The following MRPL18 variants were observed in gnomAD, a reference collection of about 807,000 sequenced individuals.
MRPL18 encodes the protein mitochondrial ribosomal protein L18.
A neutral mutation model predicts 20.9 loss-of-function variants in MRPL18; 16 were observed. That is an observed-to-expected ratio of 0.76 (90% CI 0.52 to 1.16). The LOEUF (loss-of-function observed/expected upper bound fraction) is 1.16. MRPL18 is among the 50% of genes most tolerant of loss of function. MRPL18 has a pLI of 0.00. For missense variants in MRPL18, 233 were observed against 230.6 expected, an observed-to-expected ratio of 1.01 and a Z score of -0.07; for synonymous variants, 91 against 87.1, an observed-to-expected ratio of 1.04 and a Z score of -0.25.
At chr6:159,797,031 T>A (rs1781045971) in intron 2 of MRPL18, among the ~76,000 whole-genome samples, 1 of 152,176 alleles carries the variant, frequency 6.6e-6, no homozygotes, top group Admixed American at 6.5e-5. Context: ...TTGAAGTAGA[T>A]CTGTAAATAA....
upstream of MRPL18, chr6:159,790,357 T>TA: frequency 1.6e-6 from 1 of 628,210 alleles, no homozygotes; most frequent in Non-Finnish European, 2.8e-6. Context: ...CTCCAGGGCC[T>TA]GCGTGCCCCT....
At chr6:159,797,699 ACT>A (rs563244695) in intron 3 of MRPL18, among the ~76,000 whole-genome samples, 181 bp downstream of exon 3, 10 of 152,190 alleles carry the variant, frequency 6.6e-5, no homozygotes, top group Non-Finnish European at 1.5e-4. Context: ...AGGGACTAGT[ACT>A]CTCATTCTAT....
upstream of MRPL18, chr6:159,790,450 C>T: frequency 1.9e-6 from 2 of 1,055,348 alleles, no homozygotes; most frequent in Non-Finnish European, 2.8e-6. Flanking sequence ...ACTTCCGGGT[C>T]GGTGGCGTCT....
chr6:159,794,484 A>G (rs1780983717), intron 2 of MRPL18, among the ~76,000 whole-genome samples: 1 of 152,230 alleles, frequency 6.6e-6, no homozygotes, highest in Non-Finnish European at 1.5e-5. Context: ...GTGCTCAGTA[A>G]ATGTTAACTA....
chr6:159,797,924 CCG>C (rs372327055), intron 3 of MRPL18, 126 bp from the exon 4 acceptor site: 157 of 732,674 alleles, frequency 2.1e-4, no homozygotes, highest in Middle Eastern at 2.5e-4. Flanking sequence ...TTCTGAAAAA[CCG>C]TTGTAGGCTG....
At position 159,797,516 on chromosome 6, in the gene MRPL18, T is replaced by C; in HGVS notation, c.469T>C (p.Ser157Pro). ...QPTPWEAASD[S>P]MKRLQSAMTE... ...AACCCCGTGGGAGGCAGCCTCAGAC[T>C]CGGTATTTTTGTTTTCATGTACTTA... Residue 157 changes from serine to proline, a missense_variant and splice_region_variant, in exon 3 of 4, where the codon TCG (serine) becomes CCG (proline). Physicochemically the swap from Ser to Pro is moderately conservative, Grantham distance 74. Transcript: ENST00000367034. The C allele has an allele frequency of 1.2e-6, 2 of 1,613,410 alleles. No homozygotes were observed. Among genetic ancestry groups the C allele is most frequent in the Non-Finnish European group, 1.7e-6 (2 of 1,179,536 alleles).
chr6:159,793,109 G>A (rs565635349), intron 2 of MRPL18, among the ~76,000 whole-genome samples: 1 of 152,044 alleles, frequency 6.6e-6, no homozygotes, highest in South Asian at 2.1e-4. Context: ...TTACAGACGT[G>A]AGCCACTGCA....
At position 159,794,834 on chromosome 6, in the gene MRPL18, T is replaced by G. The variant is rs182590751; in HGVS notation, c.240-2453T>G. Among the ~76,000 whole-genome samples, 952 of 152,162 alleles carry G rather than the reference T, an allele frequency of 6.3e-3. 11 individuals carry two copies. Among genetic ancestry groups the G allele is most frequent in the African/African-American group, 0.022 (918 of 41,496 alleles). On this transcript the variant is annotated intron_variant, in intron 2 of 3. Coordinates refer to ENST00000367034, the MANE Select transcript of MRPL18 (RefSeq NM_014161.5). The stretch of plus-strand genomic sequence containing the variant: ...AAGACACAAAGTATAGAGAAAGAAA[T>G]AAGGGGACCCAGGGAACCAGCGTTC...
At chr6:159,794,192 G>A (rs117092571) in intron 2 of MRPL18, among the ~76,000 whole-genome samples, 39 of 152,232 alleles carry the variant, frequency 2.6e-4, no homozygotes, top group Non-Finnish European at 5.1e-4. Context: ...CTTAGCATAC[G>A]ATAAACACTT....
At position 159,790,528 on chromosome 6, in the gene MRPL18, C is replaced by G; in HGVS notation, c.-60C>G. 2 of 1,610,016 alleles carry G rather than the reference C, an allele frequency of 1.2e-6. No individual in the cohort carries two copies. Among genetic ancestry groups the G allele is most frequent in the African/African-American group, 1.3e-5 (1 of 74,954 alleles). ...CCTGACTTTATATGGCTGCTCCTGG[C>G]GAGCGACTGAGTCGTCCGTGAGGAA... On this transcript the variant is annotated 5_prime_UTR_variant, in exon 1 of 4. Coordinates refer to ENST00000367034, the MANE Select transcript of MRPL18 (RefSeq NM_014161.5).
intron 3 of MRPL18, 25 bp from the exon 4 acceptor site, chr6:159,798,026 CT>C (rs751520050): frequency 4.1e-5 from 66 of 1,596,012 alleles, no homozygotes; most frequent in Non-Finnish European, 5.3e-5. Flanking sequence ...TAATCTTTTC[CT>C]TTTTTTTCTG....
chr6:159,790,485 A>T lies in MRPL18; in HGVS notation c.-103A>T. The T allele has an allele frequency of 6.6e-7, 1 of 1,508,080 alleles. No individual in the cohort carries two copies. Among genetic ancestry groups the T allele is most frequent in the Non-Finnish European group, 9.2e-7 (1 of 1,091,328 alleles). The allele number at this position is 1,508,080 out of a possible 1,614,324, so 93.4% of individuals were successfully genotyped here. On this transcript the variant is annotated 5_prime_UTR_variant, in exon 1 of 4. Coordinates refer to ENST00000367034, the MANE Select transcript of MRPL18 (RefSeq NM_014161.5). The stretch of plus-strand genomic sequence containing the variant: ...TGGCGTGGAGAGTTTGGGGATCTAC[A>T]GCAGCCAAAGGCTTGTCCCTGACTT...
rs567387733 is a variant in MRPL18, at chr6:159,794,605, A to G, written c.240-2682A>G. Among the ~76,000 whole-genome samples, 3 of 152,368 alleles carry G rather than the reference A, an allele frequency of 2.0e-5. No homozygotes were observed. The South Asian group carries it at 6.2e-4, about 32-fold the overall frequency. Reference sequence around the variant, plus strand: ...TAGAGGGTGATTATCTTTTATGATTACAGTGTTGCATCGAATTGTCTTGTC... The same window carrying G: ...TAGAGGGTGATTATCTTTTATGATTGCAGTGTTGCATCGAATTGTCTTGTC... On this transcript the variant is annotated intron_variant, in intron 2 of 3. Transcript: ENST00000367034.
In MRPL18 at chr6:159,791,025, A is replaced by G. The variant is rs1246655857; in HGVS notation, c.138A>G (p.Pro46=). The change falls in exon 2 of 4, where the codon CCA becomes CCG. Residue 46 remains proline (P), a synonymous_variant. Transcript: ENST00000367034. ...CTGTGGAAAATGAAGCTGTCGCCCC[A>G]GAATTCACCAACCGGAACCCCCGGA... The part of the protein sequence containing the change: ...VDPVENEAVA[P]EFTNRNPRNL... 1.9e-6 allele frequency: 3 copies of G among 1,614,222 alleles called. No individual in the cohort carries two copies. Among genetic ancestry groups the G allele is most frequent in the Non-Finnish European group, 1.7e-6 (2 of 1,180,040 alleles).
Position 159,797,382 on chromosome 6 carries a change from T to C in MRPL18, c.335T>C (p.Ile112Thr). Reference protein sequence around the residue: ...VVSASTREWAIKKHLYSTRNV... With the variant: ...VVSASTREWATKKHLYSTRNV... ...TCGGCCTCCACTCGTGAGTGGGCTA[T>C]TAAAAAGCACCTTTATAGTACCAGA... The change falls in exon 3 of 4, where the codon ATT (isoleucine) becomes ACT (threonine). Residue 112 changes from isoleucine to threonine, a missense_variant. Coordinates refer to ENST00000367034, the MANE Select transcript of MRPL18 (RefSeq NM_014161.5). The C allele has an allele frequency of 4.3e-6, 7 of 1,614,156 alleles. No homozygotes were observed. Among genetic ancestry groups the C allele is most frequent in the East Asian group, 2.2e-5 (1 of 44,878 alleles).
chr6:159,795,034 C>T (rs956075463), intron 2 of MRPL18, among the ~76,000 whole-genome samples: 1 of 152,218 alleles, frequency 6.6e-6, no homozygotes, highest in African/African-American at 2.4e-5. Context: ...GAATCAAGTG[C>T]TGTGCTTTTA....
At chr6:159,795,396 C>T (rs531539243) in intron 2 of MRPL18, among the ~76,000 whole-genome samples, 142 of 152,338 alleles carry the variant, frequency 9.3e-4, no homozygotes, top group Admixed American at 3.4e-3. Context: ...GAGGTCCCTG[C>T]GGCCTTCCGC....
In MRPL18 at chr6:159,790,938, A is replaced by G. The variant is rs762709993; in HGVS notation, c.53-2A>G. ...CCCTGTGCGGTTTTTCCCGTTGCCC[A>G]GGGTGCAGGTTCGCAGCCCTGTCAA... On this transcript the variant is annotated splice_acceptor_variant, in intron 1 of 3. Coordinates refer to ENST00000367034, the MANE Select transcript of MRPL18 (RefSeq NM_014161.5). LOFTEE classifies it high-confidence loss of function. 6.2e-7 allele frequency: 1 copy of G among 1,613,986 alleles called. No homozygotes were observed. The highest frequency in any genetic ancestry group is 2.2e-5 in the East Asian group (1 of 44,884).
At chr6:159,791,268 T>C in intron 2 of MRPL18, 142 bp downstream of exon 2, 1 of 897,704 alleles carries the variant, frequency 1.1e-6, no homozygotes, top group Non-Finnish European at 1.7e-6. Flanking sequence ...AAACAACAAA[T>C]AGGTGTGATG....
Sources: allele counts gnomAD v4.1 joint callset (sites outside exome capture counted in the v4.1 genomes callset), GRCh38; gene constraint gnomAD v4.1.1; transcripts MANE v1.5; gene names NCBI Gene and HGNC (gene_info 2026-07-23, HGNC 2026-07-21).